The following SESN1 variants were observed in gnomAD, a reference collection of about 807,000 sequenced individuals.
SESN1 encodes sestrin-1.
A neutral mutation model predicts 59.3 loss-of-function variants in SESN1; 30 were observed. The observed-to-expected ratio is 0.51, with a 90% CI of 0.38 to 0.69. The LOEUF (loss-of-function observed/expected upper bound fraction) is 0.69. Among genes scored for constraint, SESN1 ranks in the 30% least tolerant of loss-of-function variants. The probability of loss-of-function intolerance (pLI) is 0.00; values close to 1 mark genes in which losing one functional copy is unlikely to be tolerated. For synonymous variants in SESN1, 197 were observed against 219.9 expected (o/e 0.90, Z 0.92); for missense variants, 566 against 673.0 (o/e 0.84, Z 1.76).
intron 1 of SESN1, among the ~76,000 whole-genome samples, chr6:109,091,558 A>G (rs943283034): frequency 1.3e-5 from 2 of 152,098 alleles, no homozygotes; most frequent in Admixed American, 1.3e-4. Flanking sequence ...CTTCATACAT[A>G]CCGTTCCCTA....
At position 109,067,396 on chromosome 6, in the gene SESN1, T is replaced by C. The variant is rs74405630; in HGVS notation, c.279+26399A>G. ...CAAGGGTAGAAGTCTTTTATGGACA[T>C]TTTGGAGGTAAAAGATAGTAAAAAT... On this transcript the variant is annotated intron_variant, in intron 1 of 9. Transcript: ENST00000436639. 5.2e-3 allele frequency among the ~76,000 whole-genome samples: 791 copies of C among 152,316 alleles called. 6 individuals are homozygous for C. Among genetic ancestry groups the C allele is most frequent in the African/African-American group, 0.018 (738 of 41,572 alleles).
At chr6:109,044,933 G>A (rs908734105) in intron 1 of SESN1, among the ~76,000 whole-genome samples, 1 of 152,044 alleles carries the variant, frequency 6.6e-6, no homozygotes, top group East Asian at 1.9e-4. Flanking sequence ...TGAGGCAAGA[G>A]AATCGGTTGA....
chr6:109,002,901 A>G (rs1292920081), intron 1 of SESN1, among the ~76,000 whole-genome samples: 1 of 151,888 alleles, frequency 6.6e-6, no homozygotes, highest in Non-Finnish European at 1.5e-5. Context: ...TTTTAGAGAA[A>G]CTCATTTTGT....
intron 1 of SESN1, among the ~76,000 whole-genome samples, chr6:109,049,174 AC>A (rs746216365): frequency 6.6e-6 from 1 of 152,218 alleles, no homozygotes; most frequent in Non-Finnish European, 1.5e-5. Context: ...TGTGTTATAT[AC>A]ACACAATGGA....
At position 109,009,432 on chromosome 6, in the gene SESN1, G is replaced by A. The variant is rs142983751; in HGVS notation, c.280-7089C>T. The A allele has an allele frequency of 1.6e-3, 2,257 of 1,377,566 alleles. 8 individuals are homozygous for A. Among genetic ancestry groups the A allele is most frequent in the South Asian group, 3.4e-3 (212 of 62,038 alleles). The allele number at this position is 1,377,566 out of a possible 1,614,324, so 85.3% of individuals were successfully genotyped here. A position where few individuals can be genotyped will look rare whatever the true frequency, so the allele number is the denominator to read the frequency against. ...CGAGACCGCCAAAGGGGCCGTGTAC[G>A]CCTCGTTCGCGGCGGCGGCCAAGCG... is the stretch of plus-strand genomic sequence containing the variant. On this transcript the variant is annotated intron_variant, in intron 1 of 9. Coordinates refer to ENST00000436639, the MANE Select transcript of SESN1 (RefSeq NM_014454.3).
At chr6:109,019,204 AAC>A (rs528894627) in intron 1 of SESN1, among the ~76,000 whole-genome samples, 2 of 151,916 alleles carry the variant, frequency 1.3e-5, no homozygotes, top group African/African-American at 4.8e-5. Flanking sequence ...CACACACACA[AAC>A]ACACACACAG....
At chr6:109,071,430 A>G (rs976396362) in intron 1 of SESN1, among the ~76,000 whole-genome samples, 4 of 150,848 alleles carry the variant, frequency 2.7e-5, no homozygotes, top group African/African-American at 9.8e-5. Context: ...AGGTCCTTTT[A>G]TCTTCATTTT....
intron 8 of SESN1, among the ~76,000 whole-genome samples, chr6:108,990,099 G>C (rs916549567): frequency 1.3e-5 from 2 of 152,226 alleles, no homozygotes; most frequent in African/African-American, 2.4e-5. Flanking sequence ...CTGTAGCTCA[G>C]AGTTTGTGTG....
At chr6:109,008,727 C>A in intron 1 of SESN1, 1 of 971,088 alleles carries the variant, frequency 1.0e-6, no homozygotes, top group Non-Finnish European at 1.2e-6. Context: ...TAGAAAAAAA[C>A]ACAAAATGTT....
At chr6:109,032,509 T>C (rs937293449) in intron 1 of SESN1, among the ~76,000 whole-genome samples, 5 of 150,172 alleles carry the variant, frequency 3.3e-5, no homozygotes, top group East Asian at 3.9e-4. Context: ...TCCCAGCTAT[T>C]GGGGAGGCTG....
intron 7 of SESN1, among the ~76,000 whole-genome samples, chr6:108,992,404 A>C (rs1007802429): frequency 6.6e-5 from 10 of 152,146 alleles, no homozygotes; most frequent in Non-Finnish European, 2.9e-5. Flanking sequence ...GGCGGGAGCC[A>C]TTGTGCCAGG....
At chr6:108,987,722 A>C in intron 9 of SESN1, 92 bp from the exon 10 acceptor site, 1 of 659,824 alleles carries the variant, frequency 1.5e-6, no homozygotes, top group Non-Finnish European at 2.7e-6. Context: ...AAATAAGTAC[A>C]CTTCCTACAC....
Position 108,986,110 on chromosome 6 carries a change from C to CTAT in SESN1, c.*1431_*1433dup, listed in dbSNP as rs1562449669. 6.6e-6 allele frequency among the ~76,000 whole-genome samples: 1 copy of CTAT among 152,166 alleles called. No homozygotes were observed. The highest frequency in any genetic ancestry group is 1.9e-4 in the East Asian group (1 of 5,198). On this transcript the variant is annotated 3_prime_UTR_variant, in exon 10 of 10. Coordinates refer to ENST00000436639, the MANE Select transcript of SESN1 (RefSeq NM_014454.3). Reference sequence around the variant, plus strand: ...ACAACAGCTTCAGTTAAACTTAGAGCTATTTCTACTTGTCTGATGAGTGTC... The same window carrying CTAT: ...ACAACAGCTTCAGTTAAACTTAGAGCTATTATTTCTACTTGTCTGATGAGTGTC...
At chr6:109,053,342 G>C (rs189125894) in intron 1 of SESN1, among the ~76,000 whole-genome samples, 175 of 152,114 alleles carry the variant, frequency 1.2e-3, no homozygotes, top group African/African-American at 4.1e-3. Flanking sequence ...CAAACAATAA[G>C]ACAACAGAGC....
At chr6:108,994,643 C>A in intron 5 of SESN1, 34 bp from the exon 6 acceptor site, 1 of 1,554,664 alleles carries the variant, frequency 6.4e-7, no homozygotes, top group Non-Finnish European at 8.8e-7. Context: ...TTACATGTGG[C>A]AGACATAGAA....
At chr6:109,008,213 AG>A (rs1779774360) in intron 1 of SESN1, among the ~76,000 whole-genome samples, 1 of 152,230 alleles carries the variant, frequency 6.6e-6, no homozygotes, top group Non-Finnish European at 1.5e-5. Context: ...CACAAACATC[AG>A]CAGAAATAAC....
At chr6:109,000,447 A>G in intron 4 of SESN1, 44 bp downstream of exon 4, 1 of 1,382,958 alleles carries the variant, frequency 7.2e-7, no homozygotes, top group Non-Finnish European at 9.5e-7. Context: ...ACTGCTCTAA[A>G]AAAGTCTGAA....
chr6:109,028,494 C>G (rs1780131174), intron 1 of SESN1, among the ~76,000 whole-genome samples: 1 of 152,032 alleles, frequency 6.6e-6, no homozygotes, highest in African/African-American at 2.4e-5. Context: ...TAAGTACTGT[C>G]TGATGAGTTT....
chr6:109,085,490 G>A (rs1294679597), intron 1 of SESN1, among the ~76,000 whole-genome samples: 1 of 151,108 alleles, frequency 6.6e-6, no homozygotes, highest in East Asian at 1.9e-4. Flanking sequence ...CTGCACTCCA[G>A]CCTAGGTGAC....
Sources: allele counts gnomAD v4.1 joint callset (sites outside exome capture counted in the v4.1 genomes callset), GRCh38; gene constraint gnomAD v4.1.1; transcripts MANE v1.5; gene names NCBI Gene and HGNC (gene_info 2026-07-23, HGNC 2026-07-21).